Variants in KLK13 observed in about 807,000 individuals in gnomAD.
KLK13 encodes the protein kallikrein-13.
A neutral mutation model predicts 22.4 loss-of-function variants in KLK13; 19 were observed. The observed-to-expected ratio is 0.85, with a 90% CI of 0.59 to 1.24. KLK13 has a LOEUF of 1.24. Among genes scored for constraint, KLK13 ranks in the 50% most tolerant of loss-of-function variants. The pLI is 0.00. For missense variants in KLK13, 311 were observed against 347.9 expected (o/e 0.89, Z 0.84); for synonymous variants, 156 against 141.8 (o/e 1.10, Z -0.71).
chr19:51,062,074 AC>A (rs1376988650), intron 1 of KLK13, among the ~76,000 whole-genome samples: 1 of 152,002 alleles, frequency 6.6e-6, no homozygotes, highest in Non-Finnish European at 1.5e-5. Flanking sequence ...TTAAATTTAA[AC>A]TAATTAAAAT....
intron 1 of KLK13, among the ~76,000 whole-genome samples, chr19:51,061,556 A>G (rs78860923): frequency 0.016 from 2,427 of 152,254 alleles, 56 homozygotes; most frequent in African/African-American, 0.055. Flanking sequence ...TCTTTCCTTC[A>G]TCACTCACAA....
Position 51,060,146 on chromosome 19 carries a change from C to T in KLK13, c.240-53G>A, listed in dbSNP as rs879208849. 2.9e-5 allele frequency: 47 copies of T among 1,596,552 alleles called. No individual in the cohort carries two copies. In the South Asian group the frequency reaches 4.7e-4, roughly 16 times the overall value. On this transcript the variant is annotated intron_variant, in intron 2 of 4. Coordinates refer to ENST00000595793, the MANE Select transcript of KLK13 (RefSeq NM_015596.3). The stretch of plus-strand genomic sequence containing the variant: ...GAAAGAAGATGAGCCCATTTCCATC[C>T]CCATCCCAGCCCCAACCTCTTCCCA...
chr19:51,061,395 A>T (rs970470504), intron 1 of KLK13, among the ~76,000 whole-genome samples: 8 of 152,232 alleles, frequency 5.3e-5, no homozygotes, highest in Non-Finnish European at 1.0e-4. Context: ...CTCTTCTTTA[A>T]GCTCAAAACT....
chr19:51,056,541 G>T lies in KLK13; in HGVS notation c.*46C>A, dbSNP rs983292163. The T allele has an allele frequency of 2.6e-6, 4 of 1,561,406 alleles. No homozygotes were observed. The highest frequency in any genetic ancestry group is 3.5e-6 in the Non-Finnish European group (4 of 1,134,200). On this transcript the variant is annotated 3_prime_UTR_variant, in exon 5 of 5. Transcript: ENST00000595793. ...CAGAGAAGGGCTAAGCAGACCATGT[G>T]AGGAAGTCATGGTGACAGGATGGAA...
chr19:51,055,829 C>T lies in KLK13; in HGVS notation c.*758G>A, dbSNP rs978267496. Among the ~76,000 whole-genome samples the T allele has an allele frequency of 3.9e-5, 6 of 152,118 alleles. No homozygotes were observed. Among genetic ancestry groups the T allele is most frequent in the East Asian group, 1.9e-4 (1 of 5,200 alleles). On this transcript the variant is annotated 3_prime_UTR_variant, in exon 5 of 5. Coordinates refer to ENST00000595793, the MANE Select transcript of KLK13 (RefSeq NM_015596.3). ...GGATGTTCATGGAGGGGATACAAGA[C>T]GGAATATTTGGTAGACAATAAAGTT...
chr19:51,056,692 G>A lies in KLK13; in HGVS notation c.729C>T (p.Asp243=). The change falls in exon 5 of 5, where the codon GAC becomes GAT. Residue 243 remains aspartate (D), a synonymous_variant. Coordinates refer to ENST00000595793, the MANE Select transcript of KLK13 (RefSeq NM_015596.3). ...SWGDFPCGQP[D]RPGVYTRVSR... The stretch of plus-strand genomic sequence containing the variant: ...AGACACGGGTGTAGACACCAGGCCG[G>A]TCAGGTTGCCCACATGGGAAGTCTC... 6.2e-7 allele frequency: 1 copy of A among 1,614,200 alleles called. No individual in the cohort carries two copies. Among genetic ancestry groups the A allele is most frequent in the Non-Finnish European group, 8.5e-7 (1 of 1,180,012 alleles).
rs2091715913 is a variant in KLK13, at chr19:51,060,328, A to G, written c.239+105T>C. ...AAACCTCATTCTCACTCCCATGTCC[A>G]TCCCCAACCCTAACTCCAACTCCAT... On this transcript the variant is annotated intron_variant, in intron 2 of 4. Transcript: ENST00000595793. 14 of 1,264,242 alleles carry G rather than the reference A, an allele frequency of 1.1e-5. No homozygotes were observed. In the South Asian group the frequency reaches 1.3e-4, roughly 12 times the overall value. The allele number at this position is 1,264,242 out of a possible 1,614,324, so 78.3% of individuals were successfully genotyped here.
chr19:51,064,064 C>G (rs1019608916), intron 1 of KLK13, among the ~76,000 whole-genome samples: 4 of 152,010 alleles, frequency 2.6e-5, no homozygotes, highest in Non-Finnish European at 4.4e-5. Flanking sequence ...CTGCCTACAA[C>G]GGCAGGGAAA....
chr19:51,059,788 T>G (rs774579487), intron 3 of KLK13, 37 bp downstream of exon 3: 77 of 1,505,218 alleles, frequency 5.1e-5, no homozygotes, highest in Non-Finnish European at 6.7e-5. Flanking sequence ...CCCCAGCCAC[T>G]CCTATGGGGC....
chr19:51,063,647 G>A (rs752809534), intron 1 of KLK13: 28 of 456,504 alleles, frequency 6.1e-5, no homozygotes, highest in Non-Finnish European at 1.1e-4. Flanking sequence ...CTAGGGTGTG[G>A]CACTCAGGAG....
rs370002719 is a variant in KLK13 at position 51,065,061 on chromosome 19, G to A, written c.7C>T (p.Pro3Ser). The part of the protein sequence containing the change: MW[P>S]LALVIASLTL... The stretch of plus-strand genomic sequence containing the variant: ...AGGGAGGCGATCACTAGGGCCAGGG[G>A]CCACATGGCTCCGGGATCGGGAGGG... Residue 3 changes from proline to serine, a missense_variant, in exon 1 of 5, where the codon CCC becomes TCC. Physicochemically the swap from Pro to Ser is moderately conservative, Grantham distance 74. Transcript: ENST00000595793. The A allele has an allele frequency of 4.5e-6, 4 of 892,918 alleles. No homozygotes were observed. Among genetic ancestry groups the A allele is most frequent in the Non-Finnish European group, 4.8e-6 (3 of 618,942 alleles). The allele number at this position is 892,918 out of a possible 1,614,324, so 55.3% of individuals were successfully genotyped here. A position where few individuals can be genotyped will look rare whatever the true frequency, so the allele number is the denominator to read the frequency against.
At chr19:51,064,640 T>C (rs73049036) in intron 1 of KLK13, 100 of 551,724 alleles carry the variant, frequency 1.8e-4, no homozygotes, top group Non-Finnish European at 2.5e-4. Context: ...TAAGCACTTA[T>C]AGATTAAGCC....
Position 51,059,900 on chromosome 19 carries a change from G to C in KLK13, c.433C>G (p.Leu145Val), listed in dbSNP as rs998129958. ...QLTGYIQTLP[L>V]SHNNRLTPGT... ...GGGGTTAGGCGGTTGTTGTGGGAAAGGGGCAGGGTTTGGATGTAGCCTGTG... is the reference window on the plus strand; with the variant it reads ...GGGGTTAGGCGGTTGTTGTGGGAAACGGGCAGGGTTTGGATGTAGCCTGTG... The change falls in exon 3 of 5, where the codon CTT becomes GTT. Residue 145 changes from leucine (L) to valine (V), a missense_variant. By Grantham distance (32) the Leu-to-Val change is conservative (BLOSUM62 1). Transcript: ENST00000595793. 29 of 1,604,448 alleles carry C rather than the reference G, an allele frequency of 1.8e-5. No homozygotes were observed. The highest frequency in any genetic ancestry group is 2.4e-5 in the Non-Finnish European group (28 of 1,175,146).
chr19:51,061,685 C>T (rs1457437043), intron 1 of KLK13, among the ~76,000 whole-genome samples: 3 of 152,244 alleles, frequency 2.0e-5, no homozygotes, highest in African/African-American at 4.8e-5. Flanking sequence ...TAAATCCTTC[C>T]ACTTTTACAT....
chr19:51,064,343 T>C (rs2122717568), intron 1 of KLK13, among the ~76,000 whole-genome samples: 1 of 151,724 alleles, frequency 6.6e-6, no homozygotes, highest in East Asian at 1.9e-4. Context: ...CAAAAATTAG[T>C]TGGGCGTGGT....
At chr19:51,064,576 T>C (rs893827237) in intron 1 of KLK13, 15 of 502,244 alleles carry the variant, frequency 3.0e-5, no homozygotes, top group Admixed American at 4.1e-5. Flanking sequence ...ACCTGCGACA[T>C]ACTGAAGGCT....
chr19:51,064,034 G>C (rs887212983), intron 1 of KLK13, among the ~76,000 whole-genome samples: 3 of 152,206 alleles, frequency 2.0e-5, no homozygotes, highest in Non-Finnish European at 4.4e-5. Context: ...AATGATTCAT[G>C]AACGGGGTTT....
chr19:51,065,073 C>T lies in KLK13; in HGVS notation c.-6G>A, dbSNP rs1296696720. 9 of 455,012 alleles carry T rather than the reference C, an allele frequency of 2.0e-5. No homozygotes were observed. In the East Asian group the frequency reaches 8.5e-4, roughly 43 times the overall value. 28.2% of individuals were successfully genotyped at this position (455,012 alleles called of 1,614,324 possible). A position where few individuals can be genotyped will look rare whatever the true frequency, so the allele number is the denominator to read the frequency against. ...ACTAGGGCCAGGGGCCACATGGCTC[C>T]GGGATCGGGAGGGGAGGGCAGGGCG... On this transcript the variant is annotated 5_prime_UTR_variant, in exon 1 of 5. Transcript: ENST00000595793.
chr19:51,059,723 T>G (rs1354953988), intron 3 of KLK13, 102 bp downstream of exon 3: 4 of 778,848 alleles, frequency 5.1e-6, no homozygotes, highest in African/African-American at 3.6e-5. Context: ...TTATTTATAT[T>G]TTTATATATA....
Sources: allele counts gnomAD v4.1 joint callset (sites outside exome capture counted in the v4.1 genomes callset), GRCh38; gene constraint gnomAD v4.1.1; transcripts MANE v1.5; gene names NCBI Gene and HGNC (gene_info 2026-07-23, HGNC 2026-07-21).